LAMP3: variants seen among roughly 807,000 people sequenced by gnomAD.
LAMP3 encodes lysosome-associated membrane glycoprotein 3.
A neutral mutation model predicts 34.8 loss-of-function variants in LAMP3; 26 were observed. The observed-to-expected ratio is 0.75, with a 90% CI of 0.55 to 1.04. The LOEUF is 1.04. Ranked by LOEUF, LAMP3 falls within the 50% of genes least tolerant of loss-of-function variation. The pLI is 0.00. For synonymous variants in LAMP3, 180 were observed against 201.9 expected, an observed-to-expected ratio of 0.89 and a Z score of 0.92; for missense variants, 495 against 524.0, an observed-to-expected ratio of 0.94 and a Z score of 0.54.
chr3:183,159,688 C>G (rs1720921502), intron 1 of LAMP3, among the ~76,000 whole-genome samples: 1 of 152,242 alleles, frequency 6.6e-6, no homozygotes, highest in Non-Finnish European at 1.5e-5. Context: ...AAAACCCAGT[C>G]TCCCCTTCTT....
chr3:183,157,921 G>C (rs1720867867), intron 1 of LAMP3, among the ~76,000 whole-genome samples: 1 of 152,116 alleles, frequency 6.6e-6, no homozygotes, highest in Non-Finnish European at 1.5e-5. Flanking sequence ...AGGAAGCCTT[G>C]GTGGGGTGGC....
chr3:183,154,190 G>A lies in LAMP3; in HGVS notation c.251C>T (p.Pro84Leu). The change falls in exon 2 of 6, where the codon CCA (proline) becomes CTA (leucine). Residue 84 changes from proline (P) to leucine (L), a missense_variant. Coordinates refer to ENST00000265598, the MANE Select transcript of LAMP3 (RefSeq NM_014398.4). ...TFQTAATVKI[P>L]TTTPATTKNT... ...TTTTGTAGTCGCTGGGGTAGTTGTT[G>A]GAATTTTTACTGTGGCCGCTGTTTG... 1 of 1,614,064 alleles carries A rather than the reference G, an allele frequency of 6.2e-7. No homozygotes were observed. The highest frequency in any genetic ancestry group is 8.5e-7 in the Non-Finnish European group (1 of 1,180,008).
intron 5 of LAMP3, among the ~76,000 whole-genome samples, chr3:183,133,756 A>G (rs1719997087): frequency 6.6e-6 from 1 of 152,230 alleles, no homozygotes; most frequent in African/African-American, 2.4e-5. Flanking sequence ...CCTAAAACTC[A>G]ATAAACAAAA....
chr3:183,162,574 G>C, intron 1 of LAMP3, 33 bp downstream of exon 1: 3 of 1,546,072 alleles, frequency 1.9e-6, no homozygotes, highest in Non-Finnish European at 2.6e-6. Context: ...CGACACGTCA[G>C]GGCCACCGCG....
intron 5 of LAMP3, chr3:183,132,569 A>G: frequency 1.0e-6 from 1 of 985,316 alleles, no homozygotes; most frequent in Non-Finnish European, 1.2e-6. Flanking sequence ...GGAAGCCAGC[A>G]CTGGTATATT....
intron 3 of LAMP3, among the ~76,000 whole-genome samples, chr3:183,149,961 T>TGAGCC (rs1267923321): frequency 6.6e-6 from 1 of 152,214 alleles, no homozygotes; most frequent in Non-Finnish European, 1.5e-5. Flanking sequence ...TTACCTTCTG[T>TGAGCC]GAGCCTCTCT....
chr3:183,162,792 G>C, upstream of LAMP3: 1 of 785,398 alleles, frequency 1.3e-6, no homozygotes, highest in Non-Finnish European at 1.9e-6. Flanking sequence ...GCCCAGGGCC[G>C]CTGGGCGGGG....
rs531491407 is a variant in LAMP3 at position 183,122,723 on chromosome 3, A to T, written c.*1358T>A. 6.6e-6 allele frequency: 1 copy of T among 152,254 alleles called. No homozygotes were observed. The highest frequency in any genetic ancestry group is 1.5e-5 in the Non-Finnish European group (1 of 68,042). 9.4% of individuals were successfully genotyped at this position (152,254 alleles called of 1,614,324 possible). A position where few individuals can be genotyped will look rare whatever the true frequency, so the allele number is the denominator to read the frequency against. Reference sequence around the variant, plus strand: ...CCTTCCAGAGAGTGGAGGATTTATTAAGGATAGGCTATTTTGTTATCTGCA... The same window carrying T: ...CCTTCCAGAGAGTGGAGGATTTATTTAGGATAGGCTATTTTGTTATCTGCA... On this transcript the variant is annotated 3_prime_UTR_variant, in exon 6 of 6. Transcript: ENST00000265598.
intron 3 of LAMP3, among the ~76,000 whole-genome samples, chr3:183,149,560 AAAAAAAAAAAAAAAATATAT>A (rs1336768561): frequency 4.3e-4 from 12 of 27,596 alleles, no homozygotes; most frequent in African/African-American, 1.0e-3. Context: ...AAAAAAAAAA[AAAAAAAAAAAAAAAATATAT>A]ATATATATAT....
chr3:183,148,604 C>A (rs1720517140), intron 3 of LAMP3, among the ~76,000 whole-genome samples: 1 of 152,022 alleles, frequency 6.6e-6, no homozygotes, highest in African/African-American at 2.4e-5. Context: ...TGCTCAACAC[C>A]ACTGATCATA....
Position 183,153,812 on chromosome 3 carries a change from G to A in LAMP3, c.629C>T (p.Thr210Met), listed in dbSNP as rs1010431829. 1.3e-6 allele frequency: 2 copies of A among 1,597,722 alleles called. No homozygotes were observed. Among genetic ancestry groups the A allele is most frequent in the Non-Finnish European group, 1.7e-6 (2 of 1,171,290 alleles). ...AGGTGCAAGGGTGGGCCCAGGAACC[G>A]TGGAGGCAGGTGCAGCTGTGCGGGT... ...NTTRTAAPAS[T>M]VPGPTLAPQP... Residue 210 changes from threonine (T) to methionine (M), a missense_variant, in exon 2 of 6, where the codon ACG becomes ATG. Coordinates refer to ENST00000265598, the MANE Select transcript of LAMP3 (RefSeq NM_014398.4).
At chr3:183,134,711 T>C (rs1720031708) in intron 5 of LAMP3, among the ~76,000 whole-genome samples, 1 of 152,208 alleles carries the variant, frequency 6.6e-6, no homozygotes, top group Non-Finnish European at 1.5e-5. Flanking sequence ...TGCTTCCCAC[T>C]GAGTACATGA....
rs184773637 is a variant in LAMP3 at position 183,134,813 on chromosome 3, A to C, written c.1117+904T>G. Among the ~76,000 whole-genome samples, 161 of 152,342 alleles carry C rather than the reference A, an allele frequency of 1.1e-3. 2 individuals are homozygous for C. Among genetic ancestry groups the C allele is most frequent in the Non-Finnish European group, 2.2e-4 (15 of 68,032 alleles). On this transcript the variant is annotated intron_variant, in intron 5 of 5. Coordinates refer to ENST00000265598, the MANE Select transcript of LAMP3 (RefSeq NM_014398.4). ...TTGTAGACATTTAAAATACGGCTAA[A>C]CTTCTAGCTAAATCTATTTTTGATA...
At chr3:183,160,396 TTTTTG>T (rs1249025407) in intron 1 of LAMP3, among the ~76,000 whole-genome samples, 1 of 152,116 alleles carries the variant, frequency 6.6e-6, no homozygotes, top group Non-Finnish European at 1.5e-5. Context: ...CCAGACTTCG[TTTTTG>T]TTTTGTTTTG....
rs1370253035 is a variant in LAMP3, at chr3:183,123,384, C to T, written c.*697G>A. On this transcript the variant is annotated 3_prime_UTR_variant, in exon 6 of 6. Coordinates refer to ENST00000265598, the MANE Select transcript of LAMP3 (RefSeq NM_014398.4). ...GACCAGTCTGGCCAACATGGTGAAACCCCGTCTATAATAAAAATACAAAAA... is the reference window on the plus strand; with the variant it reads ...GACCAGTCTGGCCAACATGGTGAAATCCCGTCTATAATAAAAATACAAAAA... The T allele has an allele frequency of 6.6e-6, 1 of 152,146 alleles. No individual in the cohort carries two copies. Among genetic ancestry groups the T allele is most frequent in the East Asian group, 1.9e-4 (1 of 5,190 alleles). 9.4% of individuals were successfully genotyped at this position (152,146 alleles called of 1,614,324 possible). A position where few individuals can be genotyped will look rare whatever the true frequency, so the allele number is the denominator to read the frequency against.
chr3:183,147,250 AG>A (rs1420580933), intron 3 of LAMP3, among the ~76,000 whole-genome samples: 3 of 40,242 alleles, frequency 7.5e-5, no homozygotes, highest in Non-Finnish European at 1.9e-4. Flanking sequence ...CTAAAAACAA[AG>A]AAAAAAAAAA....
At chr3:183,140,659 A>G in intron 3 of LAMP3, 64 bp from the exon 4 acceptor site, 2 of 1,117,124 alleles carry the variant, frequency 1.8e-6, no homozygotes, top group Non-Finnish European at 2.7e-6. Context: ...ATCTTGGTTT[A>G]TAAACTTTGT....
intron 1 of LAMP3, among the ~76,000 whole-genome samples, chr3:183,160,156 C>T (rs1455758850): frequency 6.6e-6 from 1 of 152,154 alleles, no homozygotes; most frequent in Non-Finnish European, 1.5e-5. Context: ...TGTAACTGAA[C>T]CTAAACTTAA....
Position 183,122,640 on chromosome 3 carries a change from G to C in LAMP3, c.*1441C>G, listed in dbSNP as rs1719697051. ...TTGATGCCTTCATCTTTACAGCCCA[G>C]CTAAGCAATCCCATAAAAATGAGCA... On this transcript the variant is annotated 3_prime_UTR_variant, in exon 6 of 6. Coordinates refer to ENST00000265598, the MANE Select transcript of LAMP3 (RefSeq NM_014398.4). The C allele has an allele frequency of 6.6e-6, 1 of 152,170 alleles. No individual in the cohort carries two copies. The highest frequency in any genetic ancestry group is 1.5e-5 in the Non-Finnish European group (1 of 68,034). 9.4% of individuals were successfully genotyped at this position (152,170 alleles called of 1,614,324 possible).
Sources: gnomAD v4.1 joint callset for allele counts (sites outside exome capture counted in the v4.1 genomes callset) on GRCh38, gnomAD v4.1.1 for gene constraint, MANE v1.5 for transcripts, NCBI Gene and HGNC (gene_info 2026-07-23, HGNC 2026-07-21) for gene names.